PRRG4: variants seen among roughly 807,000 people sequenced by gnomAD.
The protein encoded by PRRG4 is transmembrane gamma-carboxyglutamic acid protein 4.
In PRRG4, 12 loss-of-function variants were observed where a neutral mutation model predicts 20.0. That is an observed-to-expected ratio of 0.60 (90% CI 0.38 to 0.97). The LOEUF (loss-of-function observed/expected upper bound fraction) is 0.97. Ranked by LOEUF, PRRG4 falls within the 50% of genes least tolerant of loss-of-function variation. The pLI, the probability that PRRG4 is intolerant of heterozygous loss-of-function variation, is 0.00. For missense variants in PRRG4, 199 were observed against 265.1 expected (o/e 0.75, Z 1.73); for synonymous variants, 94 against 96.4 (o/e 0.98, Z 0.15).
Position 32,840,067 on chromosome 11 carries a change from T to G in PRRG4, c.317-40T>G. 2 of 1,434,260 alleles carry G rather than the reference T, an allele frequency of 1.4e-6. No homozygotes were observed. The highest frequency in any genetic ancestry group is 2.0e-6 in the Non-Finnish European group (2 of 1,019,922). The allele number at this position is 1,434,260 out of a possible 1,614,324, so 88.8% of individuals were successfully genotyped here. A position where few individuals can be genotyped will look rare whatever the true frequency, so the allele number is the denominator to read the frequency against. On this transcript the variant is annotated intron_variant, in intron 4 of 5. Coordinates refer to ENST00000257836, the MANE Select transcript of PRRG4 (RefSeq NM_024081.6). The surrounding 1 kb of genome is among the most constrained non-coding windows in gnomAD (Gnocchi z 4.1). ...TGTTGAAATCATAGGTGATGCTATA[T>G]AGTTGTTATATTTATGTTATTTTAA...
At chr11:32,843,807 A>G (rs1203582856) in intron 5 of PRRG4, among the ~76,000 whole-genome samples, 1 of 151,060 alleles carries the variant, frequency 6.6e-6, no homozygotes, top group Non-Finnish European at 1.5e-5. Context: ...CCCTCTCCCT[A>G]GGCTTTAGCA....
intron 1 of PRRG4, 110 bp from the exon 2 acceptor site, chr11:32,830,398 C>G: frequency 1.0e-6 from 1 of 989,632 alleles, no homozygotes. Context: ...GCGCCGGGCG[C>G]TCTTGCGCCT....
chr11:32,844,428 G>A (rs1022251065), intron 5 of PRRG4, among the ~76,000 whole-genome samples: 8 of 151,682 alleles, frequency 5.3e-5, no homozygotes, highest in Non-Finnish European at 1.2e-4. Flanking sequence ...TTAAGAGAGT[G>A]CTTGGTAGCA....
At chr11:32,830,992 C>T (rs954025708) in intron 2 of PRRG4, among the ~76,000 whole-genome samples, 2 of 152,130 alleles carry the variant, frequency 1.3e-5, no homozygotes, top group African/African-American at 4.8e-5. Context: ...AACGGGGAGT[C>T]CAGGATCTAG....
rs1365866251 is a variant in PRRG4 at position 32,840,212 on chromosome 11, C to A, written c.422C>A (p.Thr141Asn). ...TTACTTGGCTACTATCTTTGTATCA[C>A]TAAGTGTAATAGGCTACAACATCCA... Reference protein sequence around the residue: ...FGLLGYYLCITKCNRLQHPCS... With the variant: ...FGLLGYYLCINKCNRLQHPCS... The change falls in exon 5 of 6, where the codon ACT (threonine) becomes AAT (asparagine). Residue 141 changes from threonine (T) to asparagine (N), a missense_variant. Thr to Asn is a moderately conservative substitution (Grantham distance 65). Transcript: ENST00000257836. The surrounding 1 kb of genome is among the most constrained non-coding windows in gnomAD (Gnocchi z 4.1). The A allele has an allele frequency of 6.2e-7, 1 of 1,602,398 alleles. No homozygotes were observed.
In PRRG4 at chr11:32,840,178, AT is replaced by A; in HGVS notation, c.393del (p.Phe131LeufsTer65). ...AATTGCTGCTGGAGTATTTTTGGTT[AT>A]TTTTGGATTACTTGGCTACTATCTT... Reference protein sequence around the residue: ...GLIAAGVFLVIFGLLGYYLCI... With the variant: ...GLIAAGVFLVXFGLLGYYLCI... On this transcript the variant is annotated frameshift_variant, in exon 5 of 6. Coordinates refer to ENST00000257836, the MANE Select transcript of PRRG4 (RefSeq NM_024081.6). LOFTEE classifies it high-confidence loss of function. This position sits in a 1 kb window ranked among gnomAD's most constrained non-coding sequence, Gnocchi z 4.1. 6.2e-7 allele frequency: 1 copy of A among 1,608,968 alleles called. No homozygotes were observed. The highest frequency in any genetic ancestry group is 1.3e-5 in the African/African-American group (1 of 74,920).
intron 1 of PRRG4, 95 bp downstream of exon 1, chr11:32,830,268 T>C: frequency 1.0e-6 from 1 of 1,000,412 alleles, no homozygotes; most frequent in South Asian, 4.1e-5. Context: ...ATAGCGAGGG[T>C]TGCCCGCGGC....
chr11:32,831,545 G>T (rs536137856), intron 2 of PRRG4, among the ~76,000 whole-genome samples: 15 of 152,312 alleles, frequency 9.8e-5, no homozygotes, highest in African/African-American at 3.6e-4. Flanking sequence ...CAGAATTCTA[G>T]CAACTGGATA....
Position 32,853,622 on chromosome 11 carries a change from G to T in PRRG4, c.*95G>T. 1 of 963,452 alleles carries T rather than the reference G, an allele frequency of 1.0e-6. No homozygotes were observed. The highest frequency in any genetic ancestry group is 1.6e-6 in the Non-Finnish European group (1 of 629,606). 59.7% of individuals were successfully genotyped at this position (963,452 alleles called of 1,614,324 possible). On this transcript the variant is annotated 3_prime_UTR_variant, in exon 6 of 6. Coordinates refer to ENST00000257836, the MANE Select transcript of PRRG4 (RefSeq NM_024081.6). ...ATCCCAGCACTTTGGGAGGCCAGGAGTTCGAGACCAGCCTGGCCAACATGG... is the reference window on the plus strand; with the variant it reads ...ATCCCAGCACTTTGGGAGGCCAGGATTTCGAGACCAGCCTGGCCAACATGG...
At chr11:32,849,926 A>C (rs1258884356) in intron 5 of PRRG4, among the ~76,000 whole-genome samples, 1 of 152,212 alleles carries the variant, frequency 6.6e-6, no homozygotes, top group African/African-American at 2.4e-5. Context: ...AAAGTAAGGA[A>C]GAATTTGTTT....
At chr11:32,845,363 C>G (rs554339100) in intron 5 of PRRG4, among the ~76,000 whole-genome samples, 2 of 152,124 alleles carry the variant, frequency 1.3e-5, no homozygotes, top group Non-Finnish European at 2.9e-5. Flanking sequence ...CGGTGGCTCA[C>G]GTCTGTAATC....
At position 32,830,009 on chromosome 11, in the gene PRRG4, T is replaced by C; in HGVS notation, c.-187T>C. ...GCGCCCCTCTGCGAACCCCAGGCCC[T>C]TCCCAGGTTTGCGCGCGGGGGCCAT... On this transcript the variant is annotated 5_prime_UTR_variant, in exon 1 of 6. Transcript: ENST00000257836. The C allele has an allele frequency of 1.0e-6, 1 of 985,720 alleles. No homozygotes were observed. The highest frequency in any genetic ancestry group is 1.2e-6 in the Non-Finnish European group (1 of 830,178). The allele number at this position is 985,720 out of a possible 1,614,324, so 61.1% of individuals were successfully genotyped here. A position where few individuals can be genotyped will look rare whatever the true frequency, so the allele number is the denominator to read the frequency against.
Position 32,856,294 on chromosome 11 carries a change from A to G in PRRG4, c.*2767A>G, listed in dbSNP as rs1474710489. On this transcript the variant is annotated 3_prime_UTR_variant, in exon 6 of 6. Coordinates refer to ENST00000257836, the MANE Select transcript of PRRG4 (RefSeq NM_024081.6). ...CAGCTGCCTAGATTTGTCTACTGCT[A>G]TCATTTTGTGTAAAGCAGTTGCTCT... The G allele has an allele frequency of 6.6e-6, 1 of 152,226 alleles. No homozygotes were observed. Among genetic ancestry groups the G allele is most frequent in the Non-Finnish European group, 1.5e-5 (1 of 68,058 alleles). 9.4% of individuals were successfully genotyped at this position (152,226 alleles called of 1,614,324 possible).
chr11:32,848,932 A>G (rs1851155386), intron 5 of PRRG4, among the ~76,000 whole-genome samples: 1 of 150,752 alleles, frequency 6.6e-6, no homozygotes, highest in Non-Finnish European at 1.5e-5. Flanking sequence ...AGATGGCTCC[A>G]TTGCACTCCA....
chr11:32,850,605 A>T (rs1457917411), intron 5 of PRRG4, among the ~76,000 whole-genome samples: 1 of 152,232 alleles, frequency 6.6e-6, no homozygotes, highest in Admixed American at 6.5e-5. Context: ...ATTAACTGGT[A>T]AATACTTACT....
At chr11:32,830,988 G>A (rs918466407) in intron 2 of PRRG4, among the ~76,000 whole-genome samples, 20 of 152,166 alleles carry the variant, frequency 1.3e-4, no homozygotes, top group Non-Finnish European at 1.9e-4. Context: ...GGCGAACGGG[G>A]AGTCCAGGAT....
chr11:32,857,729 T>A lies in PRRG4; in HGVS notation c.*4202T>A, dbSNP rs1217573628. 6.6e-6 allele frequency: 1 copy of A among 152,214 alleles called. No homozygotes were observed. Among genetic ancestry groups the A allele is most frequent in the African/African-American group, 2.4e-5 (1 of 41,464 alleles). The allele number at this position is 152,214 out of a possible 1,614,324, so 9.4% of individuals were successfully genotyped here. ...TGTTTTAATTGAATGTGAATTAAAT[T>A]TTTATTAGTTATTTGATTTGGAATG... On this transcript the variant is annotated 3_prime_UTR_variant, in exon 6 of 6. Coordinates refer to ENST00000257836, the MANE Select transcript of PRRG4 (RefSeq NM_024081.6).
Position 32,854,628 on chromosome 11 carries a change from G to A in PRRG4, c.*1101G>A, listed in dbSNP as rs752850490. 4.6e-5 allele frequency: 7 copies of A among 150,868 alleles called. No individual in the cohort carries two copies. Among genetic ancestry groups the A allele is most frequent in the Non-Finnish European group, 7.4e-5 (5 of 67,858 alleles). 9.3% of individuals were successfully genotyped at this position (150,868 alleles called of 1,614,324 possible). A position where few individuals can be genotyped will look rare whatever the true frequency, so the allele number is the denominator to read the frequency against. ...TACTCTTTCTTAGGATTTTTTTGGCGGGGGGTTAGAAATACTTCACAGAAT... is the reference window on the plus strand; with the variant it reads ...TACTCTTTCTTAGGATTTTTTTGGCAGGGGGTTAGAAATACTTCACAGAAT... On this transcript the variant is annotated 3_prime_UTR_variant, in exon 6 of 6. Transcript: ENST00000257836.
At chr11:32,843,585 A>G (rs1339158632) in intron 5 of PRRG4, among the ~76,000 whole-genome samples, 1 of 152,074 alleles carries the variant, frequency 6.6e-6, no homozygotes, top group Admixed American at 6.5e-5. Flanking sequence ...GAACAATATA[A>G]TTTAAATATA....
Sources: gnomAD v4.1 joint callset for allele counts (sites outside exome capture counted in the v4.1 genomes callset) on GRCh38, gnomAD v4.1.1 for gene constraint, Gnocchi (gnomAD v3.1) non-coding constraint, MANE v1.5 for transcripts, NCBI Gene and HGNC (gene_info 2026-07-23, HGNC 2026-07-21) for gene names.